Variants in CPQ observed in about 807,000 individuals in gnomAD.
The protein encoded by CPQ is carboxypeptidase Q, also known as Ser-Met dipeptidase.
A neutral mutation model predicts 45.7 loss-of-function variants in CPQ; 37 were observed. The ratio of observed to expected loss-of-function variants is 0.81; its 90% CI spans 0.62 to 1.07. The LOEUF is 1.07. Ranked by LOEUF, CPQ falls within the 50% of genes least tolerant of loss-of-function variation. The pLI is 0.00. For missense variants in CPQ, 537 were observed against 572.9 expected, an observed-to-expected ratio of 0.94 and a Z score of 0.64; for synonymous variants, 186 against 205.8, an observed-to-expected ratio of 0.90 and a Z score of 0.82.
At chr8:96,841,734 G>T (rs899178467) in intron 3 of CPQ, among the ~76,000 whole-genome samples, 2 of 152,160 alleles carry the variant, frequency 1.3e-5, no homozygotes, top group Non-Finnish European at 2.9e-5. Context: ...AAGAGGAGGA[G>T]GAAGAGGAGC....
chr8:97,078,226 A>G (rs1036149699), intron 7 of CPQ, among the ~76,000 whole-genome samples: 1 of 152,166 alleles, frequency 6.6e-6, no homozygotes, highest in Non-Finnish European at 1.5e-5. Context: ...GCTTTCTGAT[A>G]GGACAAATTG....
chr8:96,968,973 A>C (rs1395949020), intron 5 of CPQ, among the ~76,000 whole-genome samples: 1 of 152,206 alleles, frequency 6.6e-6, no homozygotes, highest in African/African-American at 2.4e-5. Flanking sequence ...TGTTTATTTG[A>C]AATGTTATTT....
intron 5 of CPQ, among the ~76,000 whole-genome samples, chr8:97,002,559 T>G (rs926494830): frequency 5.3e-5 from 8 of 152,236 alleles, no homozygotes; most frequent in African/African-American, 1.2e-4. Flanking sequence ...AATTTCCATG[T>G]AATTGTATGG....
At chr8:96,896,378 T>C (rs2130893301) in intron 4 of CPQ, among the ~76,000 whole-genome samples, 1 of 152,234 alleles carries the variant, frequency 6.6e-6, no homozygotes, top group Admixed American at 6.5e-5. Flanking sequence ...GATATACTGG[T>C]CATACCTTTT....
chr8:96,915,307 C>G (rs1015862825), intron 4 of CPQ, among the ~76,000 whole-genome samples: 2 of 152,108 alleles, frequency 1.3e-5, no homozygotes, highest in Admixed American at 6.6e-5. Context: ...TGTACACATT[C>G]TGTAACTAGA....
intron 4 of CPQ, among the ~76,000 whole-genome samples, chr8:96,908,627 G>A (rs531601588): frequency 6.6e-6 from 1 of 152,254 alleles, no homozygotes; most frequent in South Asian, 2.1e-4. Context: ...AAACATTCAT[G>A]TGTATAGTGG....
In CPQ at chr8:97,066,004, T is replaced by C; in HGVS notation, c.1054-5T>C. 1 of 1,609,672 alleles carries C rather than the reference T, an allele frequency of 6.2e-7. No homozygotes were observed. The highest frequency in any genetic ancestry group is 8.5e-7 in the Non-Finnish European group (1 of 1,178,992). On this transcript the variant is annotated splice_polypyrimidine_tract_variant and splice_region_variant and intron_variant, in intron 6 of 7. Transcript: ENST00000220763. Reference sequence around the variant, plus strand: ...AAGAACCAAACAATTTTCTCTTGTGTTTAGGTAAATATTTCCAACTACAGT... The same window carrying C: ...AAGAACCAAACAATTTTCTCTTGTGCTTAGGTAAATATTTCCAACTACAGT...
chr8:96,734,154 A>T (rs1431478849), intron 1 of CPQ, among the ~76,000 whole-genome samples: 1 of 152,174 alleles, frequency 6.6e-6, no homozygotes, highest in Admixed American at 6.5e-5. Flanking sequence ...TATTTGAGAC[A>T]CATCATCTTC....
chr8:97,050,689 C>A (rs1810345101), intron 6 of CPQ, among the ~76,000 whole-genome samples: 1 of 152,052 alleles, frequency 6.6e-6, no homozygotes, highest in South Asian at 2.1e-4. Context: ...CGTAGCAAGA[C>A]CCCATTTCAA....
chr8:96,996,166 A>T (rs1809175642), intron 5 of CPQ, among the ~76,000 whole-genome samples: 1 of 152,026 alleles, frequency 6.6e-6, no homozygotes, highest in Non-Finnish European at 1.5e-5. Flanking sequence ...GCTTTTGCTG[A>T]TTTTAGTAAG....
intron 5 of CPQ, among the ~76,000 whole-genome samples, chr8:96,987,258 C>T (rs934867680): frequency 1.3e-5 from 2 of 152,052 alleles, no homozygotes; most frequent in African/African-American, 4.8e-5. Context: ...ACATCCAGTG[C>T]AAAGTAAAAA....
chr8:96,688,306 T>C (rs1318865092), intron 1 of CPQ, among the ~76,000 whole-genome samples: 1 of 152,220 alleles, frequency 6.6e-6, no homozygotes, highest in Non-Finnish European at 1.5e-5. Context: ...TTGCCTTTCC[T>C]TTTATTTTCA....
chr8:96,689,129 A>G (rs939363235), intron 1 of CPQ, among the ~76,000 whole-genome samples: 4 of 152,230 alleles, frequency 2.6e-5, no homozygotes, highest in Admixed American at 2.0e-4. Flanking sequence ...TGTTCATGCT[A>G]AAACCAGCCA....
At chr8:96,816,733 T>C (rs1391811092) in intron 2 of CPQ, among the ~76,000 whole-genome samples, 1 of 152,166 alleles carries the variant, frequency 6.6e-6, no homozygotes, top group African/African-American at 2.4e-5. Context: ...GAAAACAACA[T>C]TAATTTTCTT....
At chr8:97,081,305 AC>A (rs1174290458) in intron 7 of CPQ, among the ~76,000 whole-genome samples, 3 of 152,098 alleles carry the variant, frequency 2.0e-5, no homozygotes, top group Non-Finnish European at 4.4e-5. Context: ...TATCTGAGAT[AC>A]CCTGATCATT....
chr8:96,708,150 A>C (rs111252682), intron 1 of CPQ, among the ~76,000 whole-genome samples: 1 of 151,830 alleles, frequency 6.6e-6, no homozygotes, highest in African/African-American at 2.4e-5. Context: ...CCCTTCTTCT[A>C]TAGTTCCATC....
intron 4 of CPQ, among the ~76,000 whole-genome samples, chr8:96,948,829 T>C (rs1813222784): frequency 6.6e-6 from 1 of 152,130 alleles, no homozygotes. Context: ...GCTCTGATGT[T>C]GGATGCATAT....
intron 5 of CPQ, among the ~76,000 whole-genome samples, chr8:96,972,873 G>C (rs182940935): frequency 6.6e-6 from 1 of 152,258 alleles, no homozygotes; most frequent in Non-Finnish European, 1.5e-5. Flanking sequence ...TGGGACAAAA[G>C]AATCTGATTA....
chr8:96,870,413 A>G (rs570999696), intron 3 of CPQ, among the ~76,000 whole-genome samples: 170 of 152,150 alleles, frequency 1.1e-3, no homozygotes, highest in Middle Eastern at 6.8e-3. Context: ...CCCACTATGT[A>G]TCATCAATAT....
Sources: allele counts gnomAD v4.1 joint callset (sites outside exome capture counted in the v4.1 genomes callset), GRCh38; gene constraint gnomAD v4.1.1; transcripts MANE v1.5; gene names NCBI Gene and HGNC (gene_info 2026-07-23, HGNC 2026-07-21).